Variants in HERC3 observed in about 807,000 individuals in gnomAD.
The protein encoded by HERC3 is HECT and RLD domain containing E3 ubiquitin protein ligase 3.
A neutral mutation model predicts 129.9 loss-of-function variants in HERC3; 58 were observed. The ratio of observed to expected loss-of-function variants is 0.45; its 90% CI spans 0.36 to 0.56. The LOEUF is 0.56. HERC3 is among the 20% of genes least tolerant of loss of function. HERC3 has a pLI of 0.00. For missense variants in HERC3, 835 were observed against 1,244.2 expected, an observed-to-expected ratio of 0.67 and a Z score of 4.95; for synonymous variants, 430 against 451.0, an observed-to-expected ratio of 0.95 and a Z score of 0.59.
At chr4:88,618,415 C>T (rs1725158374) in intron 3 of HERC3, among the ~76,000 whole-genome samples, 1 of 152,322 alleles carries the variant, frequency 6.6e-6, no homozygotes, top group African/African-American at 2.4e-5. Flanking sequence ...CCACTGATCA[C>T]AGAGGGTATA....
chr4:88,595,917 C>T (rs1019644963), intron 2 of HERC3, among the ~76,000 whole-genome samples: 2 of 138,630 alleles, frequency 1.4e-5, no homozygotes, highest in African/African-American at 2.7e-5. Flanking sequence ...GGCGGGATCT[C>T]GGCTCACTGC....
intron 2 of HERC3, among the ~76,000 whole-genome samples, chr4:88,601,913 G>A (rs1220094511): frequency 1.6e-5 from 2 of 121,372 alleles, no homozygotes; most frequent in Non-Finnish European, 3.0e-5. Context: ...AAAATTAGCC[G>A]GGCGTAGTGG....
At position 88,708,510 on chromosome 4, in the gene HERC3, A is replaced by G. The variant is rs1735947238; in HGVS notation, c.*1550A>G. On this transcript the variant is annotated 3_prime_UTR_variant, in exon 26 of 26. Transcript: ENST00000402738. ...ATGTGTGTGCATATAGTTCAATATT[A>G]TGCAATAAATTTGGTGTTTTAACTT... 1 of 152,614 alleles carries G rather than the reference A, an allele frequency of 6.6e-6. No homozygotes were observed. Among genetic ancestry groups the G allele is most frequent in the Non-Finnish European group, 1.5e-5 (1 of 68,038 alleles). 9.5% of individuals were successfully genotyped at this position (152,614 alleles called of 1,614,324 possible).
intron 3 of HERC3, among the ~76,000 whole-genome samples, chr4:88,628,835 A>C (rs1560693494): frequency 6.6e-6 from 1 of 152,220 alleles, no homozygotes; most frequent in Non-Finnish European, 1.5e-5. Flanking sequence ...AATAGTTGAA[A>C]AAATTGTGAA....
chr4:88,649,700 A>G lies in HERC3; in HGVS notation c.227-140A>G, dbSNP rs143818395. ...ATTGATAGAGTTTAGAAATATGTGA[A>G]ATTTATAATCTCTATAAATATTCAG... On this transcript the variant is annotated intron_variant, in intron 3 of 25. Coordinates refer to ENST00000402738, the MANE Select transcript of HERC3 (RefSeq NM_014606.3). 12 of 688,418 alleles carry G rather than the reference A, an allele frequency of 1.7e-5. No homozygotes were observed. The African/African-American group carries it at 2.0e-4, about 11-fold the overall frequency. 42.6% of individuals were successfully genotyped at this position (688,418 alleles called of 1,614,324 possible).
At chr4:88,602,582 A>G (rs1723129343) in intron 2 of HERC3, among the ~76,000 whole-genome samples, 1 of 151,858 alleles carries the variant, frequency 6.6e-6, no homozygotes, top group Admixed American at 6.6e-5. Context: ...GGCTCAAACG[A>G]TCCTCTCACC....
At chr4:88,552,036 A>G in the HERC3 span, among the ~76,000 whole-genome samples, 2 of 151,870 alleles carry the variant, frequency 1.3e-5, no homozygotes, top group African/African-American at 2.4e-5. Context: ...TCGCAAGGAC[A>G]AAAAACCAAA....
intron 3 of HERC3, among the ~76,000 whole-genome samples, chr4:88,610,563 G>A (rs186972973): frequency 1.2e-4 from 18 of 151,866 alleles, no homozygotes; most frequent in East Asian, 1.2e-3. Flanking sequence ...TGGTTCACAC[G>A]CCTCTGACGG....
chr4:88,532,543 C>T, the HERC3 span, among the ~76,000 whole-genome samples: 1 of 152,164 alleles, frequency 6.6e-6, no homozygotes, highest in Non-Finnish European at 1.5e-5. Context: ...ATCTTCTTTA[C>T]TCAACCTATA....
the HERC3 span, among the ~76,000 whole-genome samples, chr4:88,533,414 A>T: frequency 6.6e-6 from 1 of 152,200 alleles, no homozygotes; most frequent in Non-Finnish European, 1.5e-5. Flanking sequence ...AAGTTGACAC[A>T]TTATTAACCA....
At chr4:88,639,887 GAAA>G (rs369103235) in intron 3 of HERC3, among the ~76,000 whole-genome samples, 3 of 147,102 alleles carry the variant, frequency 2.0e-5, no homozygotes, top group Non-Finnish European at 4.5e-5. Flanking sequence ...AAATTTACAA[GAAA>G]AAAAAAACCC....
chr4:88,578,751 A>T, the HERC3 span, among the ~76,000 whole-genome samples: 1 of 152,172 alleles, frequency 6.6e-6, no homozygotes, highest in African/African-American at 2.4e-5. Context: ...TCATAATCCT[A>T]TAATTAGGGC....
intron 5 of HERC3, among the ~76,000 whole-genome samples, chr4:88,652,348 T>A (rs1055426602): frequency 3.3e-5 from 5 of 152,122 alleles, no homozygotes; most frequent in African/African-American, 1.2e-4. Flanking sequence ...CATACCTAGG[T>A]GTTCTGAGCA....
At chr4:88,653,171 C>A in intron 6 of HERC3, 81 bp downstream of exon 6, 1 of 1,355,540 alleles carries the variant, frequency 7.4e-7, no homozygotes, top group Non-Finnish European at 1.0e-6. Flanking sequence ...CTACTATGTG[C>A]TAGCCCCATG....
chr4:88,667,226 T>C lies in HERC3; in HGVS notation c.1332-151T>C, dbSNP rs1731141936. The C allele has an allele frequency of 9.1e-6, 4 of 440,922 alleles. 1 individual carries two copies. In the South Asian group the frequency reaches 1.3e-4, roughly 14 times the overall value. The allele number at this position is 440,922 out of a possible 1,614,324, so 27.3% of individuals were successfully genotyped here. A position where few individuals can be genotyped will look rare whatever the true frequency, so the allele number is the denominator to read the frequency against. Reference sequence around the variant, plus strand: ...GTATTTTGGGTTTATTATTTTGAGATTTATGCAAAGTGTAGTATTTTTGTG... The same window carrying C: ...GTATTTTGGGTTTATTATTTTGAGACTTATGCAAAGTGTAGTATTTTTGTG... On this transcript the variant is annotated intron_variant, in intron 12 of 25. Coordinates refer to ENST00000402738, the MANE Select transcript of HERC3 (RefSeq NM_014606.3).
At chr4:88,560,480 A>C in the HERC3 span, among the ~76,000 whole-genome samples, 18 of 146,878 alleles carry the variant, frequency 1.2e-4, no homozygotes, top group Non-Finnish European at 2.5e-4. Flanking sequence ...TAAATGTTGA[A>C]TATTAACCCC....
At chr4:88,567,716 T>C in the HERC3 span, among the ~76,000 whole-genome samples, 1 of 152,232 alleles carries the variant, frequency 6.6e-6, no homozygotes, top group East Asian at 1.9e-4. Context: ...TGAATTTCAC[T>C]GAGCTTCCTC....
At chr4:88,700,361 C>T (rs1454431954) in intron 23 of HERC3, among the ~76,000 whole-genome samples, 2 of 152,108 alleles carry the variant, frequency 1.3e-5, no homozygotes, top group Non-Finnish European at 2.9e-5. Flanking sequence ...TCATAAGAAG[C>T]TGCCACACTG....
the HERC3 span, among the ~76,000 whole-genome samples, chr4:88,558,735 G>A: frequency 1.3e-5 from 2 of 151,964 alleles, no homozygotes; most frequent in Non-Finnish European, 2.9e-5. Context: ...AGGCCGAGGC[G>A]GGCGGATCAC....
Sources: allele counts gnomAD v4.1 joint callset (sites outside exome capture counted in the v4.1 genomes callset), GRCh38; gene constraint gnomAD v4.1.1; transcripts MANE v1.5; gene names NCBI Gene and HGNC (gene_info 2026-07-23, HGNC 2026-07-21).